ANO4: variants seen among roughly 807,000 people sequenced by gnomAD.
ANO4 encodes the protein anoctamin-4.
A neutral mutation model predicts 141.9 loss-of-function variants in ANO4; 69 were observed. The ratio of observed to expected loss-of-function variants is 0.49; its 90% CI spans 0.40 to 0.59. The LOEUF (loss-of-function observed/expected upper bound fraction) is 0.59. Ranked by LOEUF, ANO4 falls within the 20% of genes least tolerant of loss-of-function variation. The pLI is 0.00. For missense variants in ANO4, 894 were observed against 1,162.2 expected (o/e 0.77, Z 3.36); for synonymous variants, 350 against 394.3 (o/e 0.89, Z 1.33).
intron 1 of ANO4, among the ~76,000 whole-genome samples, chr12:100,812,735 C>G (rs2135709814): frequency 6.6e-6 from 1 of 152,272 alleles, no homozygotes; most frequent in South Asian, 2.1e-4. Context: ...ACTCTTAGCA[C>G]CAACATCAGA....
At chr12:100,728,050 T>C (rs2031211899) in intron 1 of ANO4, among the ~76,000 whole-genome samples, 1 of 151,808 alleles carries the variant, frequency 6.6e-6, no homozygotes, top group South Asian at 2.1e-4. Flanking sequence ...ATTTTACTTT[T>C]ATTCTTTTTT....
intron 26 of ANO4, among the ~76,000 whole-genome samples, chr12:101,124,737 C>T (rs1413526822): frequency 6.6e-6 from 1 of 152,106 alleles, no homozygotes; most frequent in Non-Finnish European, 1.5e-5. Context: ...ATCCTTTCCC[C>T]CATTGCTTGT....
intron 3 of ANO4, among the ~76,000 whole-genome samples, chr12:100,778,265 A>G (rs2033599612): frequency 6.6e-6 from 1 of 152,284 alleles, no homozygotes; most frequent in South Asian, 2.1e-4. Flanking sequence ...TCTCTTTGCC[A>G]TAGGAAGAGT....
chr12:100,737,427 A>G (rs1488251956), intron 2 of ANO4, among the ~76,000 whole-genome samples: 1 of 152,162 alleles, frequency 6.6e-6, no homozygotes, highest in African/African-American at 2.4e-5. Context: ...CTCACTAGGC[A>G]GGTCTGCGTC....
intron 1 of ANO4, among the ~76,000 whole-genome samples, chr12:100,723,548 A>G (rs1264514414): frequency 6.6e-6 from 1 of 152,208 alleles, no homozygotes; most frequent in Non-Finnish European, 1.5e-5. Flanking sequence ...GCTAGGAGGA[A>G]AGAATAGGTC....
chr12:100,752,359 C>T (rs1191545634), intron 3 of ANO4, among the ~76,000 whole-genome samples: 1 of 152,034 alleles, frequency 6.6e-6, no homozygotes, highest in Non-Finnish European at 1.5e-5. Flanking sequence ...CTTCCTTCCT[C>T]CCTCTCCCTC....
At chr12:100,729,726 T>A (rs1470540300) in intron 1 of ANO4, among the ~76,000 whole-genome samples, 1 of 152,214 alleles carries the variant, frequency 6.6e-6, no homozygotes, top group Non-Finnish European at 1.5e-5. Flanking sequence ...AAATCTAGCC[T>A]TTTTGTTTTA....
chr12:100,812,470 G>GTATA (rs61192735), intron 1 of ANO4, among the ~76,000 whole-genome samples: 7,806 of 149,020 alleles, frequency 0.052, 206 homozygotes, highest in Non-Finnish European at 0.067. Flanking sequence ...TTGTATTTAT[G>GTATA]TATATATATA....
At chr12:100,946,388 A>G (rs559559922) in intron 5 of ANO4, among the ~76,000 whole-genome samples, 3 of 152,266 alleles carry the variant, frequency 2.0e-5, no homozygotes, top group Non-Finnish European at 2.9e-5. Flanking sequence ...CAGGGAGAAT[A>G]ATTAGGAGAT....
intron 1 of ANO4, among the ~76,000 whole-genome samples, chr12:100,840,580 C>T (rs2135808035): frequency 6.6e-6 from 1 of 152,166 alleles, no homozygotes; most frequent in Admixed American, 6.5e-5. Context: ...TTTACTTCTC[C>T]TGTTCATATT....
chr12:100,792,610 A>G (rs1374295400), upstream of ANO4, among the ~76,000 whole-genome samples: 1 of 152,228 alleles, frequency 6.6e-6, no homozygotes, highest in Non-Finnish European at 1.5e-5. Flanking sequence ...TTAAAAATTA[A>G]TGGCGTTTGA....
intron 1 of ANO4, among the ~76,000 whole-genome samples, chr12:100,725,343 C>CTT (rs5800419): frequency 0.024 from 2,806 of 114,878 alleles, 131 homozygotes; most frequent in Middle Eastern, 0.077. Flanking sequence ...AAATTGGTAT[C>CTT]TTTTTTTTTT....
rs2046402668 is a variant in ANO4 at position 101,018,657 on chromosome 12, A to G, written c.735-1377A>G. The stretch of plus-strand genomic sequence containing the variant: ...AAAAACATTTAGCAAATTCCACATC[A>G]TAAATTACCATGACCCTCACATACC... On this transcript the variant is annotated intron_variant, in intron 8 of 27. Coordinates refer to ENST00000392977, the MANE Select transcript of ANO4 (RefSeq NM_001286615.2). Among the ~76,000 whole-genome samples the G allele has an allele frequency of 2.0e-5, 3 of 152,180 alleles. No homozygotes were observed. The South Asian group carries it at 6.2e-4, about 32-fold the overall frequency.
chr12:100,923,652 A>G (rs909005576), intron 3 of ANO4, among the ~76,000 whole-genome samples: 5 of 152,194 alleles, frequency 3.3e-5, no homozygotes, highest in Non-Finnish European at 7.3e-5. Context: ...GTATATGCTC[A>G]GTAATGGGAT....
chr12:100,985,121 A>G (rs2044652245), intron 7 of ANO4, among the ~76,000 whole-genome samples: 1 of 152,176 alleles, frequency 6.6e-6, no homozygotes, highest in Non-Finnish European at 1.5e-5. Flanking sequence ...CTCTTTCTTG[A>G]ATGAGTTTTA....
intron 16 of ANO4, among the ~76,000 whole-genome samples, chr12:101,085,323 G>A (rs962505476): frequency 1.3e-5 from 2 of 152,110 alleles, no homozygotes; most frequent in African/African-American, 4.8e-5. Context: ...TCAGCCCTAT[G>A]TGTCTGTGGG....
chr12:101,040,150 C>A, intron 11 of ANO4, 74 bp downstream of exon 11: 1 of 1,492,470 alleles, frequency 6.7e-7, no homozygotes, highest in South Asian at 1.4e-5. Flanking sequence ...GGGACAAGCT[C>A]CCAATGAAGC....
intron 1 of ANO4, among the ~76,000 whole-genome samples, chr12:100,844,158 G>A (rs1396664175): frequency 6.6e-6 from 1 of 152,094 alleles, no homozygotes; most frequent in Non-Finnish European, 1.5e-5. Context: ...GAATAAGCCA[G>A]AAAGATAATT....
upstream of ANO4, among the ~76,000 whole-genome samples, chr12:100,794,086 A>G (rs2034159575): frequency 6.6e-6 from 1 of 152,244 alleles, no homozygotes; most frequent in Admixed American, 6.5e-5. Flanking sequence ...TACCTATATT[A>G]TACAAGAAAA....
Sources: gnomAD v4.1 joint callset for allele counts (sites outside exome capture counted in the v4.1 genomes callset) on GRCh38, gnomAD v4.1.1 for gene constraint, MANE v1.5 for transcripts, NCBI Gene and HGNC (gene_info 2026-07-23, HGNC 2026-07-21) for gene names.